MMP16: variants seen among roughly 807,000 people sequenced by gnomAD.
The protein encoded by MMP16 is matrix metalloproteinase-16.
A neutral mutation model predicts 67.8 loss-of-function variants in MMP16; 12 were observed. The observed-to-expected ratio is 0.18, with a 90% CI of 0.11 to 0.29. The LOEUF (loss-of-function observed/expected upper bound fraction) is 0.29. Among genes scored for constraint, MMP16 ranks in the 10% least tolerant of loss-of-function variants. The probability of loss-of-function intolerance (pLI) is 1.00; values close to 1 mark genes in which losing one functional copy is unlikely to be tolerated. For missense variants in MMP16, 475 were observed against 765.7 expected, an observed-to-expected ratio of 0.62 and a Z score of 4.48; for synonymous variants, 249 against 255.9, an observed-to-expected ratio of 0.97 and a Z score of 0.26.
intron 4 of MMP16, among the ~76,000 whole-genome samples, chr8:88,145,065 T>A (rs1398684160): frequency 6.6e-6 from 1 of 152,044 alleles, no homozygotes; most frequent in Non-Finnish European, 1.5e-5. Context: ...CACTATTCTA[T>A]TTTTAATACC....
chr8:88,264,031 C>CATATATATAT lies in MMP16; in HGVS notation c.132+63043_132+63044insATATATATAT, dbSNP rs1491101969. 6.0e-3 allele frequency among the ~76,000 whole-genome samples: 242 copies of CATATATATAT among 40,312 alleles called. 1 individual carries two copies. The highest frequency in any genetic ancestry group is 0.016 in the African/African-American group (232 of 14,710). 26.4% of individuals were successfully genotyped at this position (40,312 alleles called of 152,430 possible). Reference sequence around the variant, plus strand: ...GTGTGCAACTTCCCTACAAAAATGGCACATATATATATATATATATATATA... The same window carrying CATATATATAT: ...GTGTGCAACTTCCCTACAAAAATGGCATATATATATACATATATATATATATATATATATA... On this transcript the variant is annotated intron_variant, in intron 1 of 9. Coordinates refer to ENST00000286614, the MANE Select transcript of MMP16 (RefSeq NM_005941.5).
chr8:88,119,009 C>T (rs966171816), intron 4 of MMP16, 148 bp from the exon 5 acceptor site: 1 of 765,594 alleles, frequency 1.3e-6, no homozygotes, highest in Non-Finnish European at 2.0e-6. Context: ...CACTGGCTTT[C>T]CTACTGGCAA....
intron 1 of MMP16, among the ~76,000 whole-genome samples, chr8:88,197,981 C>A (rs1320775734): frequency 6.6e-5 from 10 of 152,198 alleles, no homozygotes. Context: ...CAGCTATCAT[C>A]TTAAGAGTGT....
At chr8:88,304,901 AT>A (rs1445403134) in intron 1 of MMP16, among the ~76,000 whole-genome samples, 1 of 152,220 alleles carries the variant, frequency 6.6e-6, no homozygotes, top group Non-Finnish European at 1.5e-5. Context: ...AGTCTGCAAA[AT>A]AACCAGCTAC....
intron 4 of MMP16, among the ~76,000 whole-genome samples, chr8:88,123,060 C>T (rs1807866925): frequency 6.6e-6 from 1 of 151,890 alleles, no homozygotes; most frequent in Admixed American, 6.6e-5. Flanking sequence ...GATTTCTAAC[C>T]TTCAGAACCA....
chr8:88,286,177 G>A (rs776507065), intron 1 of MMP16, among the ~76,000 whole-genome samples: 2 of 152,020 alleles, frequency 1.3e-5, no homozygotes, highest in Non-Finnish European at 2.9e-5. Context: ...GCACTACATC[G>A]TCTATTTTCC....
chr8:88,065,558 T>TA (rs1170661148), intron 7 of MMP16, among the ~76,000 whole-genome samples: 1 of 152,090 alleles, frequency 6.6e-6, no homozygotes, highest in African/African-American at 2.4e-5. Context: ...TATTTTCACA[T>TA]ATACCAAGAC....
intron 4 of MMP16, among the ~76,000 whole-genome samples, chr8:88,124,319 A>G: frequency 6.6e-6 from 1 of 151,976 alleles, no homozygotes; most frequent in East Asian, 1.9e-4. Context: ...TAGGTACTTA[A>G]TGTGTTAGTT....
chr8:88,068,932 C>T (rs759696995), intron 7 of MMP16, among the ~76,000 whole-genome samples: 4 of 152,070 alleles, frequency 2.6e-5, no homozygotes, highest in Non-Finnish European at 4.4e-5. Flanking sequence ...GAACTCCTGA[C>T]CTCGAGTGAT....
In MMP16 at chr8:88,221,674, C is replaced by T. The variant is rs1027504033; in HGVS notation, c.133-24368G>A. Among the ~76,000 whole-genome samples, 4 of 151,954 alleles carry T rather than the reference C, an allele frequency of 2.6e-5. No individual in the cohort carries two copies. In the South Asian group the frequency reaches 8.3e-4, roughly 32 times the overall value. On this transcript the variant is annotated intron_variant, in intron 1 of 9. Transcript: ENST00000286614. Reference sequence around the variant, plus strand: ...ATGACCAGTAGACAGGATGAATTAACACAACTTCCAAAAAACACAGTACAA... The same window carrying T: ...ATGACCAGTAGACAGGATGAATTAATACAACTTCCAAAAAACACAGTACAA...
At chr8:88,073,670 C>G (rs1404152476) in intron 7 of MMP16, among the ~76,000 whole-genome samples, 1 of 152,098 alleles carries the variant, frequency 6.6e-6, no homozygotes. Flanking sequence ...AAGTGTTTCC[C>G]AAATTCCATG....
intron 1 of MMP16, among the ~76,000 whole-genome samples, chr8:88,294,656 C>T (rs1810985646): frequency 6.6e-6 from 1 of 151,768 alleles, no homozygotes; most frequent in Non-Finnish European, 1.5e-5. Context: ...CATATATAAA[C>T]ACATATATAA....
chr8:88,058,628 C>T lies in MMP16; in HGVS notation c.1223-2350G>A, dbSNP rs1054303982. 3.9e-5 allele frequency among the ~76,000 whole-genome samples: 6 copies of T among 152,084 alleles called. No homozygotes were observed. Among genetic ancestry groups the T allele is most frequent in the African/African-American group, 1.4e-4 (6 of 41,444 alleles). The stretch of plus-strand genomic sequence containing the variant: ...ATGCAGGAGAGATCTCTTTATTCAA[C>T]TGTGACATATAATTCAAAGGAGCCA... On this transcript the variant is annotated intron_variant, in intron 7 of 9. Coordinates refer to ENST00000286614, the MANE Select transcript of MMP16 (RefSeq NM_005941.5). This position sits in a 1 kb window ranked among gnomAD's most constrained non-coding sequence, Gnocchi z 4.2.
intron 1 of MMP16, among the ~76,000 whole-genome samples, chr8:88,237,639 A>G (rs1011906099): frequency 6.7e-6 from 1 of 149,202 alleles, no homozygotes; most frequent in Non-Finnish European, 1.5e-5. Context: ...ACAGAGTGAG[A>G]CTCCGATTCA....
chr8:88,250,363 T>G (rs2129922329), intron 1 of MMP16, among the ~76,000 whole-genome samples: 1 of 152,244 alleles, frequency 6.6e-6, no homozygotes, highest in Middle Eastern at 3.4e-3. Flanking sequence ...TCTGAAAATG[T>G]CTTCTACTGA....
At chr8:88,186,254 C>A in intron 3 of MMP16, 1 of 394,558 alleles carries the variant, frequency 2.5e-6, no homozygotes, top group Admixed American at 4.2e-5. Context: ...ATTCAAGAAG[C>A]TGGAATAGTT....
chr8:88,041,851 G>A lies in MMP16; in HGVS notation c.1490-56C>T. 1 of 1,286,038 alleles carries A rather than the reference G, an allele frequency of 7.8e-7. No homozygotes were observed. The allele number at this position is 1,286,038 out of a possible 1,614,324, so 79.7% of individuals were successfully genotyped here. A position where few individuals can be genotyped will look rare whatever the true frequency, so the allele number is the denominator to read the frequency against. ...ACCACTTATTTGTGACAGTGTATAT[G>A]TAGAGAAATGTTACTAAAATAGGCT... On this transcript the variant is annotated intron_variant, in intron 9 of 9. Transcript: ENST00000286614. This position sits in a 1 kb window ranked among gnomAD's most constrained non-coding sequence, Gnocchi z 6.0.
chr8:88,294,182 CTATA>C (rs1395564491), intron 1 of MMP16, among the ~76,000 whole-genome samples: 1 of 150,268 alleles, frequency 6.7e-6, no homozygotes, highest in African/African-American at 2.4e-5. Context: ...TTATATATGT[CTATA>C]TATACACATA....
At chr8:88,281,974 T>C (rs1810745066) in intron 1 of MMP16, among the ~76,000 whole-genome samples, 2 of 152,000 alleles carry the variant, frequency 1.3e-5, no homozygotes, top group South Asian at 4.1e-4. Context: ...AATACTTCCT[T>C]CCTGTTCTTG....
Sources: allele counts gnomAD v4.1 joint callset (sites outside exome capture counted in the v4.1 genomes callset), GRCh38; gene constraint gnomAD v4.1.1; non-coding constraint Gnocchi (gnomAD v3.1); transcripts MANE v1.5; gene names NCBI Gene and HGNC (gene_info 2026-07-23, HGNC 2026-07-21).